Variants in RGS7 observed in about 807,000 individuals in gnomAD.
The protein encoded by RGS7 is regulator of G-protein signaling 7.
Under a neutral mutation model 81.1 loss-of-function variants are expected in RGS7, and 27 were observed. The observed-to-expected ratio is 0.33, with a 90% confidence interval of 0.25 to 0.46. RGS7 has a LOEUF of 0.46. Among genes scored for constraint, RGS7 ranks in the 20% least tolerant of loss-of-function variants. The pLI, the probability that RGS7 is intolerant of heterozygous loss-of-function variation, is 1.00. For synonymous variants in RGS7, 208 were observed against 207.7 expected (o/e 1.00, Z -0.01); for missense variants, 396 against 607.4 (o/e 0.65, Z 3.66).
chr1:241,349,409 G>A (rs1049869298), intron 2 of RGS7, among the ~76,000 whole-genome samples: 12 of 152,158 alleles, frequency 7.9e-5, no homozygotes, highest in African/African-American at 2.9e-4. Context: ...TATTTTTCCA[G>A]ACGACAAAAC....
At chr1:241,253,424 T>A (rs965942807) in intron 2 of RGS7, among the ~76,000 whole-genome samples, 1 of 152,186 alleles carries the variant, frequency 6.6e-6, no homozygotes, top group African/African-American at 2.4e-5. Flanking sequence ...CAGGTGGCCA[T>A]AGATCTCTGT....
chr1:241,026,161 T>C (rs1283226571), intron 3 of RGS7, among the ~76,000 whole-genome samples: 1 of 152,210 alleles, frequency 6.6e-6, no homozygotes, highest in Non-Finnish European at 1.5e-5. Flanking sequence ...AACTACACAT[T>C]TTTCTTATTA....
intron 2 of RGS7, among the ~76,000 whole-genome samples, chr1:241,121,747 T>G (rs2066277620): frequency 9.0e-6 from 1 of 111,622 alleles, no homozygotes; most frequent in Non-Finnish European, 1.7e-5. Context: ...AGACAGGGTT[T>G]CACTCTGGTA....
chr1:240,781,863 A>G (rs904020520), intron 18 of RGS7, among the ~76,000 whole-genome samples: 4 of 152,106 alleles, frequency 2.6e-5, no homozygotes, highest in Non-Finnish European at 5.9e-5. Flanking sequence ...AAATATACAA[A>G]AATTAGCTGG....
intron 2 of RGS7, among the ~76,000 whole-genome samples, chr1:241,138,720 T>A (rs1009524343): frequency 1.9e-4 from 29 of 152,386 alleles, no homozygotes; most frequent in African/African-American, 7.0e-4. Flanking sequence ...TTAGAAGTTC[T>A]CTTCAAAAAT....
intron 3 of RGS7, among the ~76,000 whole-genome samples, chr1:241,072,922 C>T (rs1322892880): frequency 6.6e-6 from 1 of 152,100 alleles, no homozygotes; most frequent in African/African-American, 2.4e-5. Flanking sequence ...AAATAATAAA[C>T]CTCTGTGGCC....
chr1:240,897,590 A>G (rs767991070), intron 6 of RGS7, among the ~76,000 whole-genome samples: 2 of 151,984 alleles, frequency 1.3e-5, no homozygotes, highest in Non-Finnish European at 2.9e-5. Flanking sequence ...ACTTTTATTG[A>G]TTTGCTTATG....
At chr1:241,341,967 C>T (rs1187213935) in intron 2 of RGS7, among the ~76,000 whole-genome samples, 4 of 150,762 alleles carry the variant, frequency 2.7e-5, no homozygotes, top group Non-Finnish European at 5.9e-5. Context: ...CTCTGCCACC[C>T]TGGTTCAAGC....
intron 9 of RGS7, among the ~76,000 whole-genome samples, chr1:240,842,666 G>A (rs1658281019): frequency 6.6e-6 from 1 of 152,106 alleles, no homozygotes; most frequent in Middle Eastern, 3.2e-3. Context: ...GTGGAGGCAA[G>A]AGTGTAAAAC....
intron 2 of RGS7, among the ~76,000 whole-genome samples, chr1:241,326,765 G>A (rs1412092768): frequency 1.3e-5 from 2 of 150,200 alleles, no homozygotes; most frequent in African/African-American, 4.9e-5. Context: ...GCAACATGTT[G>A]AAACCCATCT....
At chr1:240,944,731 T>C (rs1161494962) in intron 4 of RGS7, among the ~76,000 whole-genome samples, 1 of 152,200 alleles carries the variant, frequency 6.6e-6, no homozygotes, top group African/African-American at 2.4e-5. Context: ...TTCTTTTGTT[T>C]TGAGATGGAG....
chr1:241,185,200 G>T (rs140474667), intron 2 of RGS7, among the ~76,000 whole-genome samples: 2 of 152,268 alleles, frequency 1.3e-5, no homozygotes, highest in Admixed American at 6.5e-5. Flanking sequence ...TACGTATAAA[G>T]ATCATTCTGC....
chr1:240,921,676 A>C (rs1157025104), intron 6 of RGS7, among the ~76,000 whole-genome samples: 1 of 152,146 alleles, frequency 6.6e-6, no homozygotes, highest in East Asian at 1.9e-4. Context: ...TAAGCAGCAA[A>C]ACTTAGGCAT....
chr1:240,843,371 T>G (rs1272584820), intron 9 of RGS7, among the ~76,000 whole-genome samples: 1 of 152,024 alleles, frequency 6.6e-6, no homozygotes, highest in African/African-American at 2.4e-5. Flanking sequence ...GCTCAGGTGA[T>G]TCTCCTGCCT....
At chr1:240,838,074 T>C (rs1215958314) in intron 9 of RGS7, among the ~76,000 whole-genome samples, 1 of 152,212 alleles carries the variant, frequency 6.6e-6, no homozygotes, top group African/African-American at 2.4e-5. Flanking sequence ...CTCTTCAGAC[T>C]TCTATAACAA....
At chr1:241,159,367 T>C (rs1006018136) in intron 2 of RGS7, among the ~76,000 whole-genome samples, 1 of 152,218 alleles carries the variant, frequency 6.6e-6, no homozygotes, top group Non-Finnish European at 1.5e-5. Flanking sequence ...GTCCCTTTTA[T>C]GTGTTGTTCT....
chr1:240,802,921 G>A lies in RGS7; in HGVS notation c.1342C>T (p.Leu448=). The A allele has an allele frequency of 6.2e-7, 1 of 1,610,336 alleles. No individual in the cohort carries two copies. The highest frequency in any genetic ancestry group is 1.3e-5 in the African/African-American group (1 of 74,924). ...ACCAGTACCTTTTTCTTTGCCTGTA[G>A]AAGCTCCTGATAGGCACTGGATCTT... The part of the protein sequence containing the change: ...FIRSSAYQEL[L]QAKKKSGNSM... The change falls in exon 16 of 19, where the codon CTA becomes TTA. Residue 448 remains leucine (L), a synonymous_variant. Coordinates refer to ENST00000440928, the MANE Select transcript of RGS7 (RefSeq NM_001364886.1).
chr1:241,051,166 G>T (rs1025536889), intron 3 of RGS7, among the ~76,000 whole-genome samples: 36 of 152,280 alleles, frequency 2.4e-4, no homozygotes, highest in African/African-American at 8.4e-4. Context: ...AGGAAGCACA[G>T]AGAAAAATAG....
downstream of RGS7, among the ~76,000 whole-genome samples, chr1:240,775,251 A>G (rs1468711813): frequency 6.6e-6 from 1 of 152,218 alleles, no homozygotes; most frequent in Non-Finnish European, 1.5e-5. Flanking sequence ...ATCATGAGGC[A>G]GAAAGGCCTT....
Sources: gnomAD v4.1 joint callset for allele counts (sites outside exome capture counted in the v4.1 genomes callset) on GRCh38, gnomAD v4.1.1 for gene constraint, MANE v1.5 for transcripts, NCBI Gene and HGNC (gene_info 2026-07-23, HGNC 2026-07-21) for gene names.